Variants in PTPN14 observed in about 807,000 individuals in gnomAD.
PTPN14 encodes protein tyrosine phosphatase non-receptor type 14.
PTPN14 carries 53 observed loss-of-function variants against 126.8 expected under a neutral mutation model. The observed-to-expected ratio is 0.42, with a 90% CI of 0.34 to 0.53. PTPN14 has a LOEUF of 0.53. PTPN14 is among the 20% of genes least tolerant of loss of function. The pLI, the probability that PTPN14 is intolerant of heterozygous loss-of-function variation, is 0.08. For missense variants in PTPN14, 1,257 were observed against 1,552.9 expected (o/e 0.81, Z 3.20); for synonymous variants, 630 against 599.3 (o/e 1.05, Z -0.75).
intron 1 of PTPN14, among the ~76,000 whole-genome samples, chr1:214,493,332 G>A (rs370493491): frequency 8.7e-4 from 132 of 152,252 alleles, no homozygotes; most frequent in African/African-American, 2.8e-3. Flanking sequence ...CAGTTTCTTG[G>A]GGAACCTCCA....
chr1:214,373,241 A>T (rs1412414991), intron 15 of PTPN14, among the ~76,000 whole-genome samples: 4 of 152,106 alleles, frequency 2.6e-5, no homozygotes, highest in Admixed American at 6.6e-5. Context: ...TTTTGTAGAG[A>T]TGGCGTTTCA....
intron 1 of PTPN14, among the ~76,000 whole-genome samples, chr1:214,537,415 T>C (rs909833302): frequency 6.6e-6 from 1 of 152,216 alleles, no homozygotes; most frequent in Non-Finnish European, 1.5e-5. Context: ...CACTAGTATT[T>C]GCATGCCATG....
chr1:214,545,156 T>G (rs1005096993), intron 1 of PTPN14, among the ~76,000 whole-genome samples: 1 of 152,118 alleles, frequency 6.6e-6, no homozygotes, highest in African/African-American at 2.4e-5. Context: ...AAAAGTAAAA[T>G]CTTCAAAAAT....
At chr1:214,514,584 C>T (rs957111409) in intron 1 of PTPN14, among the ~76,000 whole-genome samples, 1 of 69,630 alleles carries the variant, frequency 1.4e-5, no homozygotes, top group Non-Finnish European at 2.2e-5. Flanking sequence ...AGCCTGGGGT[C>T]CCCCCTCGAT....
At chr1:214,544,475 C>T (rs1214913734) in intron 1 of PTPN14, among the ~76,000 whole-genome samples, 3 of 152,078 alleles carry the variant, frequency 2.0e-5, no homozygotes, top group Non-Finnish European at 4.4e-5. Flanking sequence ...AAAGGCTGGG[C>T]TCAGTGGCTC....
At chr1:214,440,425 G>A (rs1660013738) in intron 3 of PTPN14, among the ~76,000 whole-genome samples, 1 of 152,160 alleles carries the variant, frequency 6.6e-6, no homozygotes, top group Non-Finnish European at 1.5e-5. Context: ...CCTTTTATGG[G>A]TAATCAGAGA....
intron 1 of PTPN14, among the ~76,000 whole-genome samples, chr1:214,549,285 C>T (rs1333392514): frequency 6.6e-6 from 1 of 152,198 alleles, no homozygotes; most frequent in Non-Finnish European, 1.5e-5. Context: ...TTGTAAGAAA[C>T]TTTTCTAGGC....
At chr1:214,535,517 C>T (rs1197831578) in intron 1 of PTPN14, among the ~76,000 whole-genome samples, 1 of 152,176 alleles carries the variant, frequency 6.6e-6, no homozygotes, top group African/African-American at 2.4e-5. Flanking sequence ...GTGGCTCACA[C>T]CTGTAATCCC....
At position 214,381,059 on chromosome 1, in the gene PTPN14, T is replaced by A. The variant is rs1571961306; in HGVS notation, c.2544+2252A>T. ...AATGGCTAAAATTTGCTAGTCATTA[T>A]TACCCACATGAATGGAATGGAAAAG... On this transcript the variant is annotated intron_variant, in intron 13 of 18. Coordinates refer to ENST00000366956, the MANE Select transcript of PTPN14 (RefSeq NM_005401.5). Among the ~76,000 whole-genome samples the A allele has an allele frequency of 2.0e-5, 3 of 152,354 alleles. No individual in the cohort carries two copies. In the South Asian group the frequency reaches 6.2e-4, roughly 32 times the overall value.
chr1:214,372,404 G>A (rs1658240040), intron 16 of PTPN14: 1 of 329,722 alleles, frequency 3.0e-6, no homozygotes, highest in South Asian at 2.6e-5. Flanking sequence ...TCAGCAGGTT[G>A]AACTAAAGTC....
At chr1:214,497,626 G>A (rs994040381) in intron 1 of PTPN14, among the ~76,000 whole-genome samples, 1 of 145,306 alleles carries the variant, frequency 6.9e-6, no homozygotes, top group African/African-American at 2.6e-5. Context: ...TGGTGCAAAG[G>A]TACAAAACAT....
At chr1:214,398,919 C>T (rs564530711) in intron 7 of PTPN14, among the ~76,000 whole-genome samples, 29 of 151,956 alleles carry the variant, frequency 1.9e-4, no homozygotes, top group Non-Finnish European at 4.0e-4. Flanking sequence ...CAGGTGCATG[C>T]CACCACACCT....
chr1:214,464,668 A>G lies in PTPN14; in HGVS notation c.136T>C (p.Cys46Arg). 1 of 1,614,244 alleles carries G rather than the reference A, an allele frequency of 6.2e-7. No individual in the cohort carries two copies. Residue 46 changes from cysteine to arginine, a missense_variant, in exon 2 of 19, where the codon TGC becomes CGC. This residue lies in a region of PTPN14 where 1,021 missense variants were observed against 1,183.3 expected (regional missense o/e 0.86). Transcript: ENST00000366956. ...TLSVESTGQE[C>R]LEAVAQRLEL... ...AGCCTCTGGGCCACAGCCTCCAGGCATTCTTGCCCTGTGCTTTCCACCGAC... is the reference window on the plus strand; with the variant it reads ...AGCCTCTGGGCCACAGCCTCCAGGCGTTCTTGCCCTGTGCTTTCCACCGAC...
intron 1 of PTPN14, among the ~76,000 whole-genome samples, chr1:214,465,292 A>G (rs546969745): frequency 1.3e-5 from 2 of 152,268 alleles, no homozygotes; most frequent in East Asian, 3.9e-4. Flanking sequence ...TGCGTTTTTC[A>G]CTATGCAATG....
intron 1 of PTPN14, among the ~76,000 whole-genome samples, chr1:214,491,863 T>C (rs1189144050): frequency 1.3e-5 from 2 of 152,154 alleles, no homozygotes; most frequent in East Asian, 3.9e-4. Flanking sequence ...CTTCCTTCCA[T>C]TCTTTTCTTT....
intron 1 of PTPN14, among the ~76,000 whole-genome samples, chr1:214,515,624 T>A (rs113413547): frequency 0.01 from 1,588 of 152,348 alleles, 29 homozygotes; most frequent in African/African-American, 0.036. Flanking sequence ...TTAAATCTGA[T>A]ATTTCTGTCA....
intron 1 of PTPN14, among the ~76,000 whole-genome samples, chr1:214,469,817 T>G: frequency 3.7e-5 from 2 of 54,608 alleles, no homozygotes; most frequent in Non-Finnish European, 3.4e-5. Context: ...TGGGGGCGCA[T>G]GGGGAAAGGC....
intron 3 of PTPN14, among the ~76,000 whole-genome samples, chr1:214,426,846 T>C (rs939989432): frequency 1.3e-5 from 2 of 152,320 alleles, no homozygotes; most frequent in Admixed American, 1.3e-4. Context: ...AGTCAGTGGC[T>C]GTACGGGGCA....
intron 1 of PTPN14, among the ~76,000 whole-genome samples, chr1:214,518,698 A>G (rs995154209): frequency 2.0e-5 from 3 of 152,194 alleles, no homozygotes; most frequent in African/African-American, 7.2e-5. Context: ...GAAGGGGTAC[A>G]GTTACCCTAT....
Sources: gnomAD v4.1 joint callset for allele counts (sites outside exome capture counted in the v4.1 genomes callset) on GRCh38, gnomAD v4.1.1 for gene constraint, gnomAD v4.1.1 regional missense constraint, MANE v1.5 for transcripts, NCBI Gene and HGNC (gene_info 2026-07-23, HGNC 2026-07-21) for gene names.